The following SH3GL2 variants were observed in gnomAD, a reference collection of about 807,000 sequenced individuals.
The protein encoded by SH3GL2 is SH3 domain containing GRB2 like 2, endophilin A1.
In SH3GL2, 24 loss-of-function variants were observed where a neutral mutation model predicts 46.0. The observed-to-expected ratio is 0.52, with a 90% CI of 0.38 to 0.73. The LOEUF is 0.73. Ranked by LOEUF, SH3GL2 falls within the 30% of genes least tolerant of loss-of-function variation. SH3GL2 has a pLI of 0.00. For missense variants in SH3GL2, 413 were observed against 424.2 expected, an observed-to-expected ratio of 0.97 and a Z score of 0.23; for synonymous variants, 196 against 147.1, an observed-to-expected ratio of 1.33 and a Z score of -2.40.
intron 1 of SH3GL2, among the ~76,000 whole-genome samples, chr9:17,673,203 C>T (rs1271699783): frequency 1.3e-5 from 2 of 152,166 alleles, no homozygotes; most frequent in Middle Eastern, 3.4e-3. Context: ...GGCTGGAATG[C>T]AGTGGTGCGA....
intron 1 of SH3GL2, among the ~76,000 whole-genome samples, chr9:17,740,146 T>G (rs1033505520): frequency 2.1e-4 from 32 of 152,092 alleles, no homozygotes; most frequent in African/African-American, 7.5e-4. Flanking sequence ...TAGTGAGAAA[T>G]AAAATTATCT....
intron 1 of SH3GL2, among the ~76,000 whole-genome samples, chr9:17,614,399 T>C (rs1818940394): frequency 6.7e-6 from 1 of 150,096 alleles, no homozygotes; most frequent in South Asian, 2.1e-4. Context: ...ATGGGAAAGA[T>C]TGGATTGAGC....
chr9:17,739,197 T>A (rs908365714), intron 1 of SH3GL2, among the ~76,000 whole-genome samples: 3 of 152,080 alleles, frequency 2.0e-5, no homozygotes, highest in African/African-American at 7.2e-5. Flanking sequence ...AAATGAGAAA[T>A]CCTGATTGAC....
chr9:17,691,836 A>G (rs927046215), intron 1 of SH3GL2, among the ~76,000 whole-genome samples: 1 of 152,136 alleles, frequency 6.6e-6, no homozygotes, highest in Non-Finnish European at 1.5e-5. Flanking sequence ...GTGGTTTTGT[A>G]CACTTTTGAC....
intron 3 of SH3GL2, among the ~76,000 whole-genome samples, chr9:17,768,550 G>C (rs906948174): frequency 2.6e-5 from 4 of 152,028 alleles, no homozygotes; most frequent in Non-Finnish European, 5.9e-5. Context: ...GATCCAGCAT[G>C]TGGTGGCCCC....
intron 1 of SH3GL2, among the ~76,000 whole-genome samples, chr9:17,690,564 A>C (rs912504511): frequency 6.6e-6 from 1 of 152,002 alleles, no homozygotes; most frequent in Non-Finnish European, 1.5e-5. Flanking sequence ...GAGGCCCACC[A>C]AGCTCCTGTG....
rs1554631868 is a variant in SH3GL2 at position 17,628,448 on chromosome 9, G to GTGTGTA, written c.45+49166_45+49171dup. 2.5e-4 allele frequency among the ~76,000 whole-genome samples: 35 copies of GTGTGTA among 139,938 alleles called. No individual in the cohort carries two copies. In the East Asian group the frequency reaches 6.9e-3, roughly 27 times the overall value. 91.8% of individuals were successfully genotyped at this position (139,938 alleles called of 152,430 possible). A position where few individuals can be genotyped will look rare whatever the true frequency, so the allele number is the denominator to read the frequency against. ...TGTGTGTGTGTGTGTGTGTGTGTGT[G>GTGTGTA]TGTGTATGTGCATGCACATTTATCT... On this transcript the variant is annotated intron_variant, in intron 1 of 8. Transcript: ENST00000380607.
Position 17,671,992 on chromosome 9 carries a change from T to C in SH3GL2, c.46-75074T>C, listed in dbSNP as rs183100599. 3.3e-5 allele frequency among the ~76,000 whole-genome samples: 5 copies of C among 152,318 alleles called. No homozygotes were observed. The East Asian group carries it at 9.7e-4, about 29-fold the overall frequency. ...TACCAGTAAATTAATTCTATTTAAG[T>C]CAGAGTAGAATCAACTAGCAGTTAC... On this transcript the variant is annotated intron_variant, in intron 1 of 8. Coordinates refer to ENST00000380607, the MANE Select transcript of SH3GL2 (RefSeq NM_003026.5).
At chr9:17,645,151 CTTT>C (rs57611978) in intron 1 of SH3GL2, among the ~76,000 whole-genome samples, 354 of 68,450 alleles carry the variant, frequency 5.2e-3, no homozygotes, top group Non-Finnish European at 6.7e-3. Flanking sequence ...GCAAACGCTG[CTTT>C]TTTTTTTTTT....
chr9:17,582,741 C>G (rs930712644), intron 1 of SH3GL2, among the ~76,000 whole-genome samples: 1 of 152,238 alleles, frequency 6.6e-6, no homozygotes, highest in Non-Finnish European at 1.5e-5. Flanking sequence ...CACTTGAAGT[C>G]TGAGACCAAG....
At chr9:17,727,937 AAGAC>A (rs1191778122) in intron 1 of SH3GL2, among the ~76,000 whole-genome samples, 1 of 151,878 alleles carries the variant, frequency 6.6e-6, no homozygotes, top group Non-Finnish European at 1.5e-5. Flanking sequence ...ACTCCAGACT[AAGAC>A]AGACATGTGG....
intron 1 of SH3GL2, among the ~76,000 whole-genome samples, chr9:17,738,905 T>G (rs1449204698): frequency 6.6e-6 from 1 of 152,028 alleles, no homozygotes. Flanking sequence ...GTCAACAGAT[T>G]GTAGATGTTA....
intron 1 of SH3GL2, among the ~76,000 whole-genome samples, chr9:17,699,233 C>A (rs1188259105): frequency 6.6e-6 from 1 of 151,338 alleles, no homozygotes; most frequent in African/African-American, 2.4e-5. Flanking sequence ...ATATTCCTCT[C>A]TGTATAAAAC....
intron 1 of SH3GL2, among the ~76,000 whole-genome samples, chr9:17,601,945 A>G (rs1456577382): frequency 6.6e-6 from 1 of 152,154 alleles, no homozygotes; most frequent in Non-Finnish European, 1.5e-5. Flanking sequence ...CATGGATTGT[A>G]CTTTGGGGCT....
rs184046556 is a variant in SH3GL2 at position 17,622,996 on chromosome 9, C to G, written c.45+43709C>G. Among the ~76,000 whole-genome samples the G allele has an allele frequency of 5.4e-3, 440 of 81,524 alleles. 2 individuals carry two copies. The highest frequency in any genetic ancestry group is 0.019 in the African/African-American group (392 of 20,718). The allele number at this position is 81,524 out of a possible 152,430, so 53.5% of individuals were successfully genotyped here. On this transcript the variant is annotated intron_variant, in intron 1 of 8. Transcript: ENST00000380607. ...CTTTCGTTTCCTTTCGTTTCCTTTC[C>G]TTTCCTTTCCTTTCCTTTCCTTTCC...
intron 1 of SH3GL2, among the ~76,000 whole-genome samples, chr9:17,585,763 G>T (rs1278213963): frequency 2.0e-5 from 3 of 152,194 alleles, no homozygotes; most frequent in Non-Finnish European, 4.4e-5. Context: ...AGGTGAACTT[G>T]TGGTAGGGGC....
At chr9:17,615,689 C>A (rs991685719) in intron 1 of SH3GL2, among the ~76,000 whole-genome samples, 3 of 150,428 alleles carry the variant, frequency 2.0e-5, no homozygotes, top group Non-Finnish European at 4.4e-5. Flanking sequence ...AAAAAATTCC[C>A]CTCGTTAATA....
intron 1 of SH3GL2, among the ~76,000 whole-genome samples, chr9:17,698,777 C>T (rs913653569): frequency 6.6e-6 from 1 of 152,144 alleles, no homozygotes; most frequent in South Asian, 2.1e-4. Context: ...ATGTTTCTAA[C>T]CTTGAAGGGA....
chr9:17,745,151 T>C (rs1822645153), intron 1 of SH3GL2, among the ~76,000 whole-genome samples: 1 of 152,236 alleles, frequency 6.6e-6, no homozygotes, highest in African/African-American at 2.4e-5. Flanking sequence ...AAATGTTCTA[T>C]ATAGTTCTCT....
Sources: allele counts gnomAD v4.1 joint callset (sites outside exome capture counted in the v4.1 genomes callset), GRCh38; gene constraint gnomAD v4.1.1; transcripts MANE v1.5; gene names NCBI Gene and HGNC (gene_info 2026-07-23, HGNC 2026-07-21).